Variants in STIM1 observed in about 807,000 individuals in gnomAD.
The protein encoded by STIM1 is stromal interaction molecule 1.
STIM1 carries 25 observed loss-of-function variants against 74.7 expected under a neutral mutation model. That is an observed-to-expected ratio of 0.33 (90% confidence interval 0.24 to 0.47). The LOEUF (loss-of-function observed/expected upper bound fraction) is 0.47. Among genes scored for constraint, STIM1 ranks in the 20% least tolerant of loss-of-function variants. The pLI, the probability that STIM1 is intolerant of heterozygous loss-of-function variation, is 1.00. For missense variants in STIM1, 728 were observed against 920.8 expected, an observed-to-expected ratio of 0.79 and a Z score of 2.71; for synonymous variants, 328 against 348.8, an observed-to-expected ratio of 0.94 and a Z score of 0.66.
intron 2 of STIM1, among the ~76,000 whole-genome samples, chr11:3,972,147 A>G (rs1016027870): frequency 6.6e-6 from 1 of 152,218 alleles, no homozygotes; most frequent in Admixed American, 6.5e-5. Context: ...TGATTACTCA[A>G]GAGCCTTAGT....
chr11:3,871,546 C>CT (rs1440856154), intron 1 of STIM1, among the ~76,000 whole-genome samples: 2 of 152,150 alleles, frequency 1.3e-5, no homozygotes, highest in African/African-American at 4.8e-5. Flanking sequence ...GTCACATACT[C>CT]TGAGTGAGTG....
intron 1 of STIM1, among the ~76,000 whole-genome samples, chr11:3,885,536 A>G (rs980071132): frequency 5.9e-5 from 9 of 152,218 alleles, no homozygotes; most frequent in African/African-American, 1.9e-4. Flanking sequence ...ACACAATTGT[A>G]GATAATTATA....
chr11:4,013,919 G>A (rs1272118866), intron 2 of STIM1, among the ~76,000 whole-genome samples: 1 of 151,756 alleles, frequency 6.6e-6, no homozygotes, highest in East Asian at 1.9e-4. Context: ...GTGTTAGCCA[G>A]GATGGTCTCG....
rs115397823 is a variant in STIM1, at chr11:4,068,694, A to G, written c.614-1332A>G. 3.2e-3 allele frequency among the ~76,000 whole-genome samples: 486 copies of G among 152,192 alleles called. 4 individuals carry two copies. The highest frequency in any genetic ancestry group is 0.011 in the African/African-American group (455 of 41,522). ...TATGAAGGACATGGCCACCACCCTG[A>G]CCTAGTGACCCCCCTCCCTTGGGTG... On this transcript the variant is annotated intron_variant, in intron 5 of 12. Coordinates refer to ENST00000526596, the MANE Select transcript of STIM1 (RefSeq NM_001382567.1).
rs35397348 is a variant in STIM1 at position 3,995,084 on chromosome 11, ATTT to A, written c.270+27413_270+27415del. Among the ~76,000 whole-genome samples the A allele has an allele frequency of 3.3e-4, 50 of 149,996 alleles. 1 individual carries two copies. The highest frequency in any genetic ancestry group is 5.9e-4 in the African/African-American group (24 of 40,656). On this transcript the variant is annotated intron_variant, in intron 2 of 12. Transcript: ENST00000526596. ...TTCCTTTACCTCTTTAAAAATCATGATTTTTTTTTTTTTAATCTTTGGACATAT... is the reference window on the plus strand; with the variant it reads ...TTCCTTTACCTCTTTAAAAATCATGATTTTTTTTTTAATCTTTGGACATAT...
chr11:4,073,543 C>T (rs894108602), intron 6 of STIM1, among the ~76,000 whole-genome samples: 5 of 152,104 alleles, frequency 3.3e-5, no homozygotes, highest in African/African-American at 7.2e-5. Flanking sequence ...TTTATCGCCA[C>T]GTATTTAGGG....
At chr11:3,877,582 T>TTTACCTTA (rs2135302932) in intron 1 of STIM1, among the ~76,000 whole-genome samples, 2 of 152,276 alleles carry the variant, frequency 1.3e-5, no homozygotes, top group Admixed American at 1.3e-4. Flanking sequence ...TCCGGATCAG[T>TTTACCTTA]TGTAAATTCT....
At chr11:3,884,975 T>A (rs1054002550) in intron 1 of STIM1, among the ~76,000 whole-genome samples, 5 of 152,070 alleles carry the variant, frequency 3.3e-5, no homozygotes, top group African/African-American at 1.2e-4. Flanking sequence ...AGTAGATTAG[T>A]GGTTGCCAGG....
Position 4,091,933 on chromosome 11 carries a change from A to G in STIM1, c.*135A>G. The G allele has an allele frequency of 8.5e-7, 1 of 1,180,106 alleles. No homozygotes were observed. Among genetic ancestry groups the G allele is most frequent in the Non-Finnish European group, 1.2e-6 (1 of 824,294 alleles). The allele number at this position is 1,180,106 out of a possible 1,614,324, so 73.1% of individuals were successfully genotyped here. On this transcript the variant is annotated 3_prime_UTR_variant, in exon 13 of 13. Coordinates refer to ENST00000526596, the MANE Select transcript of STIM1 (RefSeq NM_001382567.1). ...GCTGGTCCAGGGGTCTGGGCACTGT[A>G]CATACCTGCCCCCTCATCCTTGGGT...
intron 1 of STIM1, chr11:3,961,411 T>C (rs2135713224): frequency 4.5e-6 from 1 of 223,564 alleles, no homozygotes; most frequent in South Asian, 7.3e-5. Context: ...TAATATTGAG[T>C]GTTCAGGAAT....
chr11:3,972,946 T>C (rs1343326405), intron 2 of STIM1: 1 of 512,476 alleles, frequency 2.0e-6, no homozygotes, highest in Non-Finnish European at 3.9e-6. Context: ...ATTGTTATAA[T>C]TGCCAAAATT....
At chr11:4,026,159 C>T (rs141935962) in intron 3 of STIM1, among the ~76,000 whole-genome samples, 63 of 152,324 alleles carry the variant, frequency 4.1e-4, no homozygotes, top group Non-Finnish European at 6.9e-4. Context: ...ATGTAGATGT[C>T]AGCAGTGGTC....
At chr11:4,060,758 ATGTCAACAAATATAGTAAAG>A (rs1217530054) in intron 5 of STIM1, among the ~76,000 whole-genome samples, 2 of 152,220 alleles carry the variant, frequency 1.3e-5, no homozygotes, top group South Asian at 2.1e-4. Context: ...GGAGATAGCT[ATGTCAACAAATATAGTAAAG>A]TGTCAACAAA....
chr11:3,865,715 C>A (rs1350692197), intron 1 of STIM1, among the ~76,000 whole-genome samples: 2 of 152,146 alleles, frequency 1.3e-5, no homozygotes, highest in Non-Finnish European at 1.5e-5. Context: ...TATGTCTCAC[C>A]ACTGAGCTGT....
At chr11:4,087,720 G>A (rs1279303935) in intron 12 of STIM1, among the ~76,000 whole-genome samples, 4 of 151,344 alleles carry the variant, frequency 2.6e-5, no homozygotes, top group Non-Finnish European at 5.9e-5. Context: ...CATTCCAGTA[G>A]ACCACTAGGG....
At chr11:3,907,206 G>C (rs2092479873) in intron 1 of STIM1, among the ~76,000 whole-genome samples, 1 of 152,048 alleles carries the variant, frequency 6.6e-6, no homozygotes, top group South Asian at 2.1e-4. Flanking sequence ...AACAAAACGG[G>C]GTTATAATGG....
intron 1 of STIM1, chr11:3,888,128 A>G (rs1016534890): frequency 6.6e-6 from 1 of 152,414 alleles, no homozygotes; most frequent in Non-Finnish European, 1.5e-5. Context: ...TGCCAGAGCT[A>G]TGCCAGCTGC....
At chr11:3,990,075 A>G (rs2093595855) in intron 2 of STIM1, among the ~76,000 whole-genome samples, 1 of 152,248 alleles carries the variant, frequency 6.6e-6, no homozygotes, top group South Asian at 2.1e-4. Context: ...AGCCCTAAGC[A>G]ACCACGAATC....
At chr11:3,869,516 T>G (rs1057213260) in intron 1 of STIM1, among the ~76,000 whole-genome samples, 2 of 152,056 alleles carry the variant, frequency 1.3e-5, no homozygotes, top group Non-Finnish European at 2.9e-5. Flanking sequence ...ATAAGGGAAT[T>G]TGTGGGAAGT....
Sources: allele counts gnomAD v4.1 joint callset (sites outside exome capture counted in the v4.1 genomes callset), GRCh38; gene constraint gnomAD v4.1.1; transcripts MANE v1.5; gene names NCBI Gene and HGNC (gene_info 2026-07-23, HGNC 2026-07-21).